Variants in CUBN observed in about 807,000 individuals in gnomAD.
CUBN encodes the protein cubilin.
Under a neutral mutation model 405.3 loss-of-function variants are expected in CUBN, and 282 were observed. The observed-to-expected ratio is 0.70, with a 90% CI of 0.63 to 0.77. CUBN has a LOEUF of 0.77. Ranked by LOEUF, CUBN falls within the 30% of genes least tolerant of loss-of-function variation. The probability of loss-of-function intolerance (pLI) is 0.00; values close to 1 mark genes in which losing one functional copy is unlikely to be tolerated. For missense variants in CUBN, 4,514 were observed against 4,475.2 expected (o/e 1.01, Z -0.25); for synonymous variants, 1,684 against 1,617.0 (o/e 1.04, Z -0.99).
At position 16,920,133 on chromosome 10, in the gene CUBN, A is replaced by C. The variant is rs1841994686; in HGVS notation, c.6651T>G (p.Cys2217Trp). Residue 2217 changes from cysteine (C) to tryptophan (W), a missense_variant, in exon 44 of 67, where the codon TGT (cysteine) becomes TGG (tryptophan). Around this residue, in one of 5 missense-constraint regions of CUBN, gnomAD observed 1,613 missense variants for 1,542.8 expected, o/e 1.05. Coordinates refer to ENST00000377833, the MANE Select transcript of CUBN (RefSeq NM_001081.4). Reference sequence around the variant, plus strand: ...CATCATGGATGTAGACGTTGCCCCCACAGGCTGTGAGCAAACACACTTAAA... The same window carrying C: ...CATCATGGATGTAGACGTTGCCCCCCCAGGCTGTGAGCAAACACACTTAAA... ...KIKYEAKSLA[C>W]GGNVYIHDAD... 6.2e-7 allele frequency: 1 copy of C among 1,613,966 alleles called. No homozygotes were observed. Among genetic ancestry groups the C allele is most frequent in the Middle Eastern group, 1.7e-4 (1 of 6,060 alleles).
chr10:16,973,614 G>A (rs1172075743), intron 31 of CUBN, among the ~76,000 whole-genome samples: 1 of 100,746 alleles, frequency 9.9e-6, no homozygotes, highest in African/African-American at 3.1e-5. Flanking sequence ...GAACGTGATG[G>A]GTGGTTTTCA....
chr10:16,892,664 T>G (rs1180021514), intron 54 of CUBN, among the ~76,000 whole-genome samples: 2 of 152,056 alleles, frequency 1.3e-5, no homozygotes, highest in African/African-American at 4.8e-5. Context: ...GCTAGTTTTT[T>G]GTATTTTTTT....
chr10:16,966,859 AG>A (rs1260638095), intron 31 of CUBN, among the ~76,000 whole-genome samples: 2 of 152,230 alleles, frequency 1.3e-5, no homozygotes, highest in African/African-American at 4.8e-5. Context: ...TTTAGGGCAC[AG>A]GAGAGATAAT....
chr10:16,983,979 G>A (rs1833348964), intron 30 of CUBN, 126 bp downstream of exon 30: 1 of 1,029,636 alleles, frequency 9.7e-7, no homozygotes, highest in South Asian at 1.3e-5. Context: ...TCAGGTCTCA[G>A]TAGGCTGCCC....
In CUBN at chr10:16,899,180, C is replaced by T; in HGVS notation, c.8414G>A (p.Cys2805Tyr). Residue 2805 changes from cysteine to tyrosine, a missense_variant, in exon 54 of 67, where the codon TGT becomes TAT. Transcript: ENST00000377833. ...YATWNTQTLG[C>Y]GGIFHSDNGT... ...ATTATCAGAATGAAATATTCCACCACAACCTGAAATATTGCCATGTAAAAA... is the reference window on the plus strand; with the variant it reads ...ATTATCAGAATGAAATATTCCACCATAACCTGAAATATTGCCATGTAAAAA... 6.2e-7 allele frequency: 1 copy of T among 1,613,302 alleles called. No individual in the cohort carries two copies.
Position 16,907,564 on chromosome 10 carries a change from T to C in CUBN, c.7649A>G (p.Asp2550Gly), listed in dbSNP as rs754755066. The C allele has an allele frequency of 1.4e-5, 22 of 1,613,956 alleles. No individual in the cohort carries two copies. The highest frequency in any genetic ancestry group is 1.8e-5 in the Non-Finnish European group (21 of 1,180,024). Residue 2550 changes from aspartate (D) to glycine (G), a missense_variant, in exon 49 of 67, where the codon GAT (aspartate) becomes GGT (glycine). Physicochemically the swap from Asp to Gly is moderately conservative, Grantham distance 94. Around this residue, in one of 5 missense-constraint regions of CUBN, gnomAD observed 1,613 missense variants for 1,542.8 expected, o/e 1.05. Transcript: ENST00000377833. Reference sequence around the variant, plus strand: ...GAAGCCGCCATATGGCCTGGATCCATCCGTGAAAAAAATGACTTTCATTGT... The same window carrying C: ...GAAGCCGCCATATGGCCTGGATCCACCCGTGAAAAAAATGACTTTCATTGT... ...GNTMKVIFFTDGSRPYGGFTA... is the reference protein window; with the variant it reads ...GNTMKVIFFTGGSRPYGGFTA...
At chr10:16,917,383 G>T (rs1841912919) in intron 45 of CUBN, among the ~76,000 whole-genome samples, 1 of 151,896 alleles carries the variant, frequency 6.6e-6, no homozygotes, top group Admixed American at 6.6e-5. Flanking sequence ...CTCTATATAT[G>T]GACCTATGAT....
Position 17,109,711 on chromosome 10 carries a change from C to T in CUBN, c.1040G>A (p.Cys347Tyr). ...PPGYQGDGRVCTLTDICSVSN... is the reference protein window; with the variant it reads ...PPGYQGDGRVYTLTDICSVSN... ...GACTGAGCAGATGTCTGTGAGTGTG[C>T]ACACTCTTCCGTCACCCTGGTACCC... Residue 347 changes from cysteine to tyrosine, a missense_variant, in exon 10 of 67, where the codon TGC (cysteine) becomes TAC (tyrosine). Transcript: ENST00000377833. 6.2e-7 allele frequency: 1 copy of T among 1,613,778 alleles called. No homozygotes were observed. Among genetic ancestry groups the T allele is most frequent in the Non-Finnish European group, 8.5e-7 (1 of 1,179,946 alleles).
chr10:16,919,077 T>C (rs990343172), intron 44 of CUBN, among the ~76,000 whole-genome samples: 2 of 152,218 alleles, frequency 1.3e-5, no homozygotes, highest in African/African-American at 4.8e-5. Context: ...TTTACAAACA[T>C]AAATGTTGCT....
intron 28 of CUBN, among the ~76,000 whole-genome samples, chr10:17,013,335 ACT>A (rs1834235366): frequency 7.7e-6 from 1 of 129,928 alleles, no homozygotes; most frequent in African/African-American, 2.9e-5. Flanking sequence ...CTTCTCTCTC[ACT>A]CTCTGACTTT....
intron 11 of CUBN, 85 bp from the exon 12 acceptor site, chr10:17,104,690 C>T (rs998821164): frequency 7.4e-6 from 5 of 679,808 alleles, no homozygotes; most frequent in African/African-American, 5.6e-5. Context: ...GAATGTAGTG[C>T]CATGGAGATA....
At chr10:17,016,175 A>G (rs1203501198) in intron 28 of CUBN, among the ~76,000 whole-genome samples, 1 of 151,812 alleles carries the variant, frequency 6.6e-6, no homozygotes, top group African/African-American at 2.4e-5. Flanking sequence ...CCACTTGAGG[A>G]AGGCAGAAGG....
chr10:17,100,267 T>A, intron 13 of CUBN, 28 bp from the exon 14 acceptor site: 1 of 1,398,010 alleles, frequency 7.2e-7, no homozygotes, highest in Non-Finnish European at 1.0e-6. Flanking sequence ...ACATATATTA[T>A]CTTTTACTTC....
At chr10:16,833,116 G>C in intron 64 of CUBN, among the ~76,000 whole-genome samples, 1 of 152,196 alleles carries the variant, frequency 6.6e-6, no homozygotes, top group Non-Finnish European at 1.5e-5. Flanking sequence ...CGTTGACTCT[G>C]ATCAATAATG....
chr10:17,108,381 ATGTGTGTGTGTG>A (rs34953406), intron 10 of CUBN, among the ~76,000 whole-genome samples: 3 of 150,984 alleles, frequency 2.0e-5, no homozygotes, highest in African/African-American at 4.9e-5. Flanking sequence ...TCACAAGTAT[ATGTGTGTGTGTG>A]TGTGTGTGTG....
At chr10:16,924,859 G>T (rs191654072) in intron 43 of CUBN, among the ~76,000 whole-genome samples, 14 of 152,022 alleles carry the variant, frequency 9.2e-5, no homozygotes, top group African/African-American at 3.1e-4. Flanking sequence ...TACAAAATAA[G>T]GCAAATGTAA....
rs1366152499 is a variant in CUBN, at chr10:17,114,064, G to A, written c.846C>T (p.Asn282=). The change falls in exon 8 of 67, where the codon AAC becomes AAT. Residue 282 remains asparagine (N), a synonymous_variant. Coordinates refer to ENST00000377833, the MANE Select transcript of CUBN (RefSeq NM_001081.4). ...GPCSTLVQCF[N]TQGSFYCGAC... The stretch of plus-strand genomic sequence containing the variant: ...CCCCACAGTAGAAAGAGCCTTGAGT[G>A]TTGAAACACTGCACAAGTGTGGAGC... 4.3e-6 allele frequency: 7 copies of A among 1,612,986 alleles called. No homozygotes were observed. Among genetic ancestry groups the A allele is most frequent in the African/African-American group, 1.3e-5 (1 of 74,912 alleles).
rs542097044 is a variant in CUBN, at chr10:16,847,685, C to T, written c.9663+3550G>A. Among the ~76,000 whole-genome samples, 10 of 152,154 alleles carry T rather than the reference C, an allele frequency of 6.6e-5. No individual in the cohort carries two copies. In the South Asian group the frequency reaches 1.0e-3, roughly 16 times the overall value. ...TGCCAACTAACTCCTGCAATGGATG[C>T]GATGTGGATTTCAAAAGAGACTGCT... On this transcript the variant is annotated intron_variant, in intron 60 of 66. Transcript: ENST00000377833.
In CUBN at chr10:16,996,396, T is replaced by A. The variant is rs377708375; in HGVS notation, c.4169-5881A>T. On this transcript the variant is annotated intron_variant, in intron 28 of 66. Transcript: ENST00000377833. ...CTGCCGAAAGGAAGTGCTTGCTTTA[T>A]CTGCAGGAAGCACATTGATCTGCTG... is the stretch of plus-strand genomic sequence containing the variant. 1.7e-3 allele frequency among the ~76,000 whole-genome samples: 262 copies of A among 152,362 alleles called. 1 individual carries two copies. Among genetic ancestry groups the A allele is most frequent in the African/African-American group, 6.1e-3 (254 of 41,590 alleles).
Sources: allele counts gnomAD v4.1 joint callset (sites outside exome capture counted in the v4.1 genomes callset), GRCh38; gene constraint gnomAD v4.1.1; regional missense constraint gnomAD v4.1.1; transcripts MANE v1.5; gene names NCBI Gene and HGNC (gene_info 2026-07-23, HGNC 2026-07-21).